Variants in DIAPH2 observed in about 807,000 individuals in gnomAD.
The protein encoded by DIAPH2 is diaphanous related formin 2.
In DIAPH2, 35 loss-of-function variants were observed where a neutral mutation model predicts 92.7. The ratio of observed to expected loss-of-function variants is 0.38; its 90% CI spans 0.29 to 0.50. The LOEUF (loss-of-function observed/expected upper bound fraction) is 0.50. Ranked by LOEUF, DIAPH2 falls within the 20% of genes least tolerant of loss-of-function variation. The probability of loss-of-function intolerance (pLI) is 0.94; values close to 1 mark genes in which losing one functional copy is unlikely to be tolerated. For synonymous variants in DIAPH2, 301 were observed against 280.4 expected, an observed-to-expected ratio of 1.07 and a Z score of -0.73; for missense variants, 701 against 819.5, an observed-to-expected ratio of 0.86 and a Z score of 1.77.
intron 26 of DIAPH2, among the ~76,000 whole-genome samples, chrX:97,522,942 G>C (rs1465168201): frequency 8.9e-6 from 1 of 112,076 alleles, no homozygotes; most frequent in Non-Finnish European, 1.9e-5. Context: ...AATAATGCAA[G>C]ACTTTTAACA....
chrX:97,159,731 T>A lies in DIAPH2; in HGVS notation c.2719+17937T>A, dbSNP rs185818807. 5.4e-3 allele frequency among the ~76,000 whole-genome samples: 602 copies of A among 112,392 alleles called. 6 individuals are homozygous for A. The highest frequency in any genetic ancestry group is 0.018 in the African/African-American group (569 of 30,972). On this transcript the variant is annotated intron_variant, in intron 22 of 26. Transcript: ENST00000324765. ...TAATCTCATTTTTCTGGTTATAAAA[T>A]TAATTATTTTTCCTAGTTATGAAAA...
At chrX:97,023,138 CTT>C (rs1375060127) in intron 17 of DIAPH2, among the ~76,000 whole-genome samples, 6 of 111,612 alleles carry the variant, frequency 5.4e-5, no homozygotes, top group African/African-American at 2.0e-4. Flanking sequence ...GTTTCTAACT[CTT>C]ATTAGTAGTT....
intron 26 of DIAPH2, among the ~76,000 whole-genome samples, chrX:97,555,027 A>G (rs2071247157): frequency 9.3e-6 from 1 of 107,054 alleles, no homozygotes; most frequent in East Asian, 3.0e-4. Flanking sequence ...CCAGCAGACC[A>G]AGTGTTATGA....
intron 22 of DIAPH2, among the ~76,000 whole-genome samples, chrX:97,172,296 G>A (rs987726817): frequency 8.1e-5 from 9 of 111,796 alleles, no homozygotes; most frequent in Non-Finnish European, 1.7e-4. Flanking sequence ...CTATTTTAAG[G>A]AATGTGATAA....
intron 1 of DIAPH2, among the ~76,000 whole-genome samples, chrX:96,700,609 C>T (rs1384133463): frequency 4.5e-5 from 5 of 112,315 alleles, no homozygotes; most frequent in African/African-American, 1.6e-4. Flanking sequence ...ACCTCAAATA[C>T]TTCATAGTGG....
intron 17 of DIAPH2, among the ~76,000 whole-genome samples, chrX:97,066,927 T>G (rs1035995494): frequency 8.9e-6 from 1 of 111,889 alleles, no homozygotes; most frequent in African/African-American, 3.2e-5. Flanking sequence ...CCATTAGTCT[T>G]GTTTAATGTG....
chrX:96,806,028 A>G (rs1602522600), intron 4 of DIAPH2, among the ~76,000 whole-genome samples: 1 of 112,173 alleles, frequency 8.9e-6, no homozygotes, highest in African/African-American at 3.2e-5. Flanking sequence ...CCCATTATTC[A>G]CCATCACTAT....
chrX:97,507,050 AG>A (rs944826791), intron 26 of DIAPH2, among the ~76,000 whole-genome samples: 13 of 107,893 alleles, frequency 1.2e-4, no homozygotes, highest in African/African-American at 3.7e-4. Context: ...TGGCCCACAA[AG>A]GCTAAAATAT....
intron 4 of DIAPH2, 154 bp downstream of exon 4, chrX:96,758,412 T>C (rs1039384796): frequency 6.7e-5 from 23 of 344,125 alleles, no homozygotes; most frequent in Non-Finnish European, 1.1e-4. Flanking sequence ...CATTTAGTAT[T>C]AAGTATATAT....
chrX:96,899,291 G>A (rs1310135718), intron 5 of DIAPH2, among the ~76,000 whole-genome samples: 2 of 109,460 alleles, frequency 1.8e-5, no homozygotes, highest in Non-Finnish European at 1.9e-5. Flanking sequence ...GATGGGGATG[G>A]CATTGAATCT....
chrX:97,141,361 A>G (rs909504208), intron 21 of DIAPH2, among the ~76,000 whole-genome samples: 2 of 111,629 alleles, frequency 1.8e-5, no homozygotes, highest in African/African-American at 3.2e-5. Flanking sequence ...AACTTGGGCT[A>G]TTATCAATAC....
rs1260601751 is a variant in DIAPH2, at chrX:96,717,586, A to G, written c.133-18172A>G. 1.0e-4 allele frequency among the ~76,000 whole-genome samples: 10 copies of G among 99,716 alleles called. No individual in the cohort carries two copies. The South Asian group carries it at 1.5e-3, about 15-fold the overall frequency. The allele number at this position is 99,716 out of a possible 115,157, so 86.6% of individuals were successfully genotyped here. ...CACTTTGCCTGATATTAATACAGCC[A>G]CTCTAACCTTCTTTTGACTAGTGTT... On this transcript the variant is annotated intron_variant, in intron 1 of 26. Coordinates refer to ENST00000324765, the MANE Select transcript of DIAPH2 (RefSeq NM_006729.5).
chrX:97,375,578 A>T (rs752471483), intron 24 of DIAPH2, among the ~76,000 whole-genome samples: 2 of 112,310 alleles, frequency 1.8e-5, no homozygotes, highest in South Asian at 7.4e-4. Context: ...AAAAGAAAAA[A>T]CTTTTTGGTA....
chrX:96,941,835 C>T (rs967372507), intron 12 of DIAPH2, among the ~76,000 whole-genome samples, 183 bp from the exon 13 acceptor site: 6 of 109,995 alleles, frequency 5.5e-5, no homozygotes, highest in Non-Finnish European at 9.5e-5. Context: ...GGGTTTGGTA[C>T]TGTAACACCC....
intron 26 of DIAPH2, among the ~76,000 whole-genome samples, chrX:97,555,153 A>C (rs149209514): frequency 0.014 from 1,491 of 110,283 alleles, 24 homozygotes; most frequent in African/African-American, 0.047. Context: ...TAGTGTCTGC[A>C]TCATTAATAT....
chrX:96,895,298 C>A (rs758537738), intron 5 of DIAPH2, among the ~76,000 whole-genome samples: 6 of 111,609 alleles, frequency 5.4e-5, no homozygotes, highest in Non-Finnish European at 1.1e-4. Context: ...AGCCACTATG[C>A]CTGGTCCAGA....
chrX:97,151,007 A>G (rs1297649604), intron 22 of DIAPH2, among the ~76,000 whole-genome samples: 2 of 112,248 alleles, frequency 1.8e-5, no homozygotes, highest in Non-Finnish European at 1.9e-5. Flanking sequence ...TACACATTAA[A>G]CAAGTAGAAA....
At chrX:96,752,328 G>A (rs2064199588) in intron 3 of DIAPH2, among the ~76,000 whole-genome samples, 1 of 111,778 alleles carries the variant, frequency 8.9e-6, no homozygotes, top group African/African-American at 3.3e-5. Flanking sequence ...TGATTCTAAA[G>A]CAAGTTAATA....
intron 5 of DIAPH2, among the ~76,000 whole-genome samples, chrX:96,902,396 C>G (rs1031739793): frequency 9.0e-6 from 1 of 111,664 alleles, no homozygotes; most frequent in African/African-American, 3.3e-5. Context: ...AACTCTCCCA[C>G]TCACTATGTT....
Sources: allele counts gnomAD v4.1 joint callset (sites outside exome capture counted in the v4.1 genomes callset), GRCh38; gene constraint gnomAD v4.1.1; transcripts MANE v1.5; gene names NCBI Gene and HGNC (gene_info 2026-07-23, HGNC 2026-07-21).